SLC5A4: variants seen among roughly 807,000 people sequenced by gnomAD.
SLC5A4 encodes probable glucose sensor protein SLC5A4.
A neutral mutation model predicts 70.3 loss-of-function variants in SLC5A4; 55 were observed. The observed-to-expected ratio is 0.78, with a 90% CI of 0.63 to 0.98. SLC5A4 has a LOEUF of 0.98. Ranked by LOEUF, SLC5A4 falls within the 50% of genes least tolerant of loss-of-function variation. SLC5A4 has a pLI of 0.00. For synonymous variants in SLC5A4, 268 were observed against 305.7 expected, an observed-to-expected ratio of 0.88 and a Z score of 1.29; for missense variants, 735 against 839.2, an observed-to-expected ratio of 0.88 and a Z score of 1.53.
the SLC5A4 span, among the ~76,000 whole-genome samples, chr22:32,343,437 A>C: frequency 6.6e-6 from 1 of 152,220 alleles, no homozygotes. Flanking sequence ...TGATGAGAAA[A>C]ACAACACGGT....
the SLC5A4 span, among the ~76,000 whole-genome samples, chr22:32,310,443 G>A: frequency 5.3e-5 from 8 of 152,158 alleles, no homozygotes; most frequent in Admixed American, 1.3e-4. Flanking sequence ...ACTGCACGTG[G>A]GACACAGCTG....
At chr22:32,252,260 T>C (rs1473884280) in intron 2 of SLC5A4, among the ~76,000 whole-genome samples, 3 of 149,948 alleles carry the variant, frequency 2.0e-5, no homozygotes, top group Admixed American at 1.3e-4. Flanking sequence ...AATAGACAGA[T>C]GCTGAGATGT....
intron 5 of SLC5A4, among the ~76,000 whole-genome samples, chr22:32,243,251 G>A (rs76900875): frequency 0.097 from 14,770 of 152,164 alleles, 919 homozygotes; most frequent in African/African-American, 0.17. Context: ...GTCATATTAA[G>A]AAGGGTGGAG....
At chr22:32,308,763 CA>C in the SLC5A4 span, among the ~76,000 whole-genome samples, 1 of 151,822 alleles carries the variant, frequency 6.6e-6, no homozygotes, top group Admixed American at 6.6e-5. Context: ...TATGAAATCA[CA>C]TGTATGTGTG....
chr22:32,334,890 T>C, the SLC5A4 span, among the ~76,000 whole-genome samples: 4 of 152,196 alleles, frequency 2.6e-5, no homozygotes. Context: ...CATGGCTTCA[T>C]GGAATAGGGC....
intron 4 of SLC5A4, 67 bp downstream of exon 4, chr22:32,248,676 T>G: frequency 4.6e-6 from 5 of 1,082,698 alleles, no homozygotes; most frequent in Non-Finnish European, 7.2e-6. Flanking sequence ...TCTCAGTGAT[T>G]GATCTTCTGT....
intron 1 of SLC5A4, among the ~76,000 whole-genome samples, chr22:32,254,865 G>A (rs988314250): frequency 1.3e-5 from 2 of 151,616 alleles, no homozygotes; most frequent in African/African-American, 4.8e-5. Context: ...CATAAATGAA[G>A]AGTCCAACTC....
the SLC5A4 span, among the ~76,000 whole-genome samples, chr22:32,303,641 T>C: frequency 6.6e-6 from 1 of 152,194 alleles, no homozygotes; most frequent in Non-Finnish European, 1.5e-5. Context: ...TGATACCTCA[T>C]TTCTTTTTAG....
the SLC5A4 span, among the ~76,000 whole-genome samples, chr22:32,260,927 G>A: frequency 6.6e-6 from 1 of 152,138 alleles, no homozygotes; most frequent in Admixed American, 6.5e-5. Context: ...ACAAAAATTA[G>A]CTGGGTGTGA....
the SLC5A4 span, chr22:32,354,935 G>A: frequency 6.6e-6 from 1 of 152,530 alleles, no homozygotes; most frequent in African/African-American, 2.4e-5. Flanking sequence ...CTGTGCTAAT[G>A]AAGTTGCTCC....
At chr22:32,292,698 T>A in the SLC5A4 span, among the ~76,000 whole-genome samples, 1 of 152,290 alleles carries the variant, frequency 6.6e-6, no homozygotes, top group South Asian at 2.1e-4. Flanking sequence ...TTATACAGTA[T>A]AACATAACTT....
chr22:32,264,365 G>A, the SLC5A4 span, among the ~76,000 whole-genome samples: 5 of 151,982 alleles, frequency 3.3e-5, no homozygotes, highest in Non-Finnish European at 7.4e-5. Flanking sequence ...CTTGAGCCAG[G>A]GGTTCTAGAC....
At chr22:32,334,199 G>C in the SLC5A4 span, among the ~76,000 whole-genome samples, 1 of 152,064 alleles carries the variant, frequency 6.6e-6, no homozygotes, top group South Asian at 2.1e-4. Context: ...ATGCCACACA[G>C]ACTCCTGCTC....
chr22:32,309,111 G>A, the SLC5A4 span, among the ~76,000 whole-genome samples: 38,680 of 143,812 alleles, frequency 0.27, 4,947 homozygotes, highest in East Asian at 0.31. Flanking sequence ...TGAGGTGGGT[G>A]AGCAGGCTGC....
At chr22:32,331,102 GAGGCTC>G in the SLC5A4 span, among the ~76,000 whole-genome samples, 5 of 133,810 alleles carry the variant, frequency 3.7e-5, no homozygotes, top group African/African-American at 8.8e-5. Context: ...GTGTGTGTTG[GAGGCTC>G]TTGTGTGTGT....
the SLC5A4 span, among the ~76,000 whole-genome samples, chr22:32,291,602 CTCT>C: frequency 1.3e-5 from 2 of 152,126 alleles, no homozygotes; most frequent in Admixed American, 6.5e-5. Context: ...CATGGTACGT[CTCT>C]TCATTAATTT....
At chr22:32,331,165 T>TG in the SLC5A4 span, among the ~76,000 whole-genome samples, 2 of 97,308 alleles carry the variant, frequency 2.1e-5, no homozygotes, top group Non-Finnish European at 2.0e-5. Flanking sequence ...GTGTGTGTGT[T>TG]GGGGGGCTCT....
the SLC5A4 span, among the ~76,000 whole-genome samples, chr22:32,300,897 T>C: frequency 6.6e-6 from 1 of 152,242 alleles, no homozygotes; most frequent in African/African-American, 2.4e-5. Context: ...TGTGTGAACA[T>C]TAGTTTTAAT....
the SLC5A4 span, among the ~76,000 whole-genome samples, chr22:32,354,396 G>A: frequency 3.3e-5 from 5 of 151,428 alleles, no homozygotes; most frequent in African/African-American, 9.7e-5. Flanking sequence ...CCTGCTGTGG[G>A]CAGTGCAGCT....
Sources: allele counts gnomAD v4.1 joint callset (sites outside exome capture counted in the v4.1 genomes callset), GRCh38; gene constraint gnomAD v4.1.1; transcripts MANE v1.5; gene names NCBI Gene and HGNC (gene_info 2026-07-23, HGNC 2026-07-21).